Variants in CREB5 observed in about 807,000 individuals in gnomAD.
The protein encoded by CREB5 is cyclic AMP-responsive element-binding protein 5.
A neutral mutation model predicts 57.1 loss-of-function variants in CREB5; 19 were observed. The ratio of observed to expected loss-of-function variants is 0.33; its 90% CI spans 0.23 to 0.49. The LOEUF is 0.49. Among genes scored for constraint, CREB5 ranks in the 20% least tolerant of loss-of-function variants. CREB5 has a pLI of 0.99. For synonymous variants in CREB5, 238 were observed against 238.3 expected (o/e 1.00, Z 0.01); for missense variants, 579 against 671.6 (o/e 0.86, Z 1.52).
At chr7:28,569,168 CT>C (rs1451828992) in intron 4 of CREB5, among the ~76,000 whole-genome samples, 1 of 130,590 alleles carries the variant, frequency 7.7e-6, no homozygotes, top group Non-Finnish European at 1.6e-5. Flanking sequence ...TTTTTTTTTT[CT>C]TTTTTAGAGA....
intron 4 of CREB5, among the ~76,000 whole-genome samples, chr7:28,550,786 G>A (rs1052651749): frequency 2.6e-5 from 4 of 152,140 alleles, no homozygotes; most frequent in Non-Finnish European, 5.9e-5. Flanking sequence ...TGGTGAATGC[G>A]CTATTAAGGG....
intron 4 of CREB5, among the ~76,000 whole-genome samples, chr7:28,514,867 GTCTC>G (rs982992530): frequency 8.5e-5 from 13 of 152,182 alleles, no homozygotes; most frequent in African/African-American, 2.7e-4. Flanking sequence ...AGGTGCTAAT[GTCTC>G]CCTTGAAGCT....
intron 1 of CREB5, among the ~76,000 whole-genome samples, chr7:28,338,914 T>A (rs557315466): frequency 1.3e-5 from 2 of 152,200 alleles, no homozygotes; most frequent in South Asian, 4.2e-4. Context: ...AAGAGACTGA[T>A]GCGTTCTCCA....
intron 5 of CREB5, among the ~76,000 whole-genome samples, chr7:28,701,933 A>C (rs575578699): frequency 1.3e-5 from 2 of 152,376 alleles, no homozygotes; most frequent in East Asian, 3.9e-4. Flanking sequence ...GCTGTGAACC[A>C]ATAGGCCAAA....
At chr7:28,371,913 A>T (rs948382130) in intron 1 of CREB5, among the ~76,000 whole-genome samples, 4 of 152,106 alleles carry the variant, frequency 2.6e-5, no homozygotes, top group African/African-American at 9.7e-5. Flanking sequence ...AGGCAGGAAG[A>T]CTTCACCCCA....
intron 5 of CREB5, among the ~76,000 whole-genome samples, chr7:28,654,999 C>T (rs995615984): frequency 1.7e-4 from 26 of 152,110 alleles, no homozygotes; most frequent in African/African-American, 6.0e-4. Flanking sequence ...CAGCCTCGAC[C>T]TCCTGAGCTC....
chr7:28,620,192 ACAAAC>A (rs1797741657), intron 5 of CREB5, among the ~76,000 whole-genome samples: 2 of 152,186 alleles, frequency 1.3e-5, no homozygotes, highest in Admixed American at 6.5e-5. Context: ...AAAACTCAGA[ACAAAC>A]CAAACTTTTT....
intron 5 of CREB5, among the ~76,000 whole-genome samples, chr7:28,578,875 A>C (rs910681795): frequency 1.3e-5 from 2 of 152,220 alleles, no homozygotes; most frequent in Non-Finnish European, 2.9e-5. Flanking sequence ...GATTACATAA[A>C]CACCATTAGC....
chr7:28,725,680 AAAAG>A (rs1803300877), intron 7 of CREB5, among the ~76,000 whole-genome samples: 1 of 151,218 alleles, frequency 6.6e-6, no homozygotes, highest in African/African-American at 2.4e-5. Context: ...AGAAAGAAAG[AAAAG>A]AAAGAAAAGA....
At chr7:28,760,649 T>C (rs992082920) in intron 7 of CREB5, among the ~76,000 whole-genome samples, 2 of 151,966 alleles carry the variant, frequency 1.3e-5, no homozygotes, top group African/African-American at 4.8e-5. Context: ...CTCCAAAATA[T>C]AGCATTCTCT....
At chr7:28,317,488 CAAT>C (rs1180796221) in intron 1 of CREB5, among the ~76,000 whole-genome samples, 1 of 152,192 alleles carries the variant, frequency 6.6e-6, no homozygotes, top group Non-Finnish European at 1.5e-5. Context: ...TCTAAGGCAG[CAAT>C]AGTTGACGCT....
intron 1 of CREB5, among the ~76,000 whole-genome samples, chr7:28,424,816 T>C (rs1034672305): frequency 2.6e-5 from 4 of 152,208 alleles, no homozygotes; most frequent in African/African-American, 9.7e-5. Context: ...TATAAATGTT[T>C]CAGTGTGGGA....
intron 5 of CREB5, among the ~76,000 whole-genome samples, chr7:28,711,092 A>G (rs1802378871): frequency 6.6e-6 from 1 of 152,172 alleles, no homozygotes; most frequent in African/African-American, 2.4e-5. Flanking sequence ...AGATGGTGCA[A>G]GGTCTTGGAG....
intron 1 of CREB5, among the ~76,000 whole-genome samples, chr7:28,301,938 G>T (rs1382152057): frequency 6.6e-6 from 1 of 152,202 alleles, no homozygotes; most frequent in Non-Finnish European, 1.5e-5. Flanking sequence ...AATAGGAAAA[G>T]TGACTGAGTG....
At position 28,371,425 on chromosome 7, in the gene CREB5, G is replaced by T. The variant is rs142774708; in HGVS notation, c.-25+71984G>T. 5.1e-3 allele frequency among the ~76,000 whole-genome samples: 766 copies of T among 151,546 alleles called. 6 individuals are homozygous for T. The highest frequency in any genetic ancestry group is 0.017 in the African/African-American group (711 of 41,224). On this transcript the variant is annotated intron_variant, in intron 1 of 9. Transcript: ENST00000396299. The stretch of plus-strand genomic sequence containing the variant: ...AATAGCTTGCACCCAGGAGGTGGAG[G>T]TTGCAGTGAGCCAAGATCGCGACAC...
intron 5 of CREB5, among the ~76,000 whole-genome samples, chr7:28,705,607 G>A (rs1802071162): frequency 6.6e-6 from 1 of 152,126 alleles, no homozygotes; most frequent in African/African-American, 2.4e-5. Flanking sequence ...AAGTCCCTCT[G>A]GGGAAAATGT....
At chr7:28,477,718 G>A (rs1167652000) in intron 1 of CREB5, among the ~76,000 whole-genome samples, 1 of 152,198 alleles carries the variant, frequency 6.6e-6, no homozygotes, top group Non-Finnish European at 1.5e-5. Flanking sequence ...GAGTGTTTTA[G>A]TGGATTTGCA....
chr7:28,644,736 AT>A (rs950245291), intron 5 of CREB5, among the ~76,000 whole-genome samples: 3 of 152,092 alleles, frequency 2.0e-5, no homozygotes, highest in African/African-American at 7.2e-5. Flanking sequence ...CTGCATCTAG[AT>A]TTTTTCTCTA....
intron 1 of CREB5, among the ~76,000 whole-genome samples, chr7:28,367,973 C>G (rs1444513380): frequency 6.6e-6 from 1 of 152,206 alleles, no homozygotes; most frequent in African/African-American, 2.4e-5. Context: ...CTACTGACCT[C>G]CCTGCTTTCA....
Sources: gnomAD v4.1 joint callset for allele counts (sites outside exome capture counted in the v4.1 genomes callset) on GRCh38, gnomAD v4.1.1 for gene constraint, MANE v1.5 for transcripts, NCBI Gene and HGNC (gene_info 2026-07-23, HGNC 2026-07-21) for gene names.